The following KCNQ3 variants were observed in gnomAD, a reference collection of about 807,000 sequenced individuals.
KCNQ3 encodes the protein potassium voltage-gated channel subfamily KQT member 3.
KCNQ3 carries 30 observed loss-of-function variants against 92.5 expected under a neutral mutation model. That is an observed-to-expected ratio of 0.32 (90% CI 0.24 to 0.44). KCNQ3 has a LOEUF of 0.44. Ranked by LOEUF, KCNQ3 falls within the 20% of genes least tolerant of loss-of-function variation. The pLI is 1.00. For missense variants in KCNQ3, 913 were observed against 1,140.3 expected, an observed-to-expected ratio of 0.80 and a Z score of 2.87; for synonymous variants, 450 against 468.8, an observed-to-expected ratio of 0.96 and a Z score of 0.52.
At chr8:132,136,529 T>C (rs1825099394) in intron 12 of KCNQ3, among the ~76,000 whole-genome samples, 1 of 152,192 alleles carries the variant, frequency 6.6e-6, no homozygotes, top group Admixed American at 6.5e-5. Context: ...TCAGGGGAAG[T>C]CTTACTCCTT....
intron 1 of KCNQ3, among the ~76,000 whole-genome samples, chr8:132,200,951 T>C (rs918831138): frequency 2.0e-5 from 3 of 152,190 alleles, no homozygotes; most frequent in Non-Finnish European, 4.4e-5. Context: ...CAGAATTTTA[T>C]CTAAGAAGCC....
At chr8:132,139,149 T>G (rs552028044) in intron 11 of KCNQ3, among the ~76,000 whole-genome samples, 1 of 152,332 alleles carries the variant, frequency 6.6e-6, no homozygotes, top group African/African-American at 2.4e-5. Context: ...TCAAGAAAAG[T>G]TTGATGACCT....
intron 1 of KCNQ3, among the ~76,000 whole-genome samples, chr8:132,453,028 G>A (rs1821857873): frequency 1.3e-5 from 2 of 152,200 alleles, no homozygotes; most frequent in South Asian, 4.1e-4. Context: ...GAGTAAGGTG[G>A]TCAGGGAAGC....
intron 1 of KCNQ3, among the ~76,000 whole-genome samples, chr8:132,254,200 A>G (rs1169148278): frequency 6.6e-6 from 1 of 152,166 alleles, no homozygotes; most frequent in Non-Finnish European, 1.5e-5. Context: ...TTGCTTTAGG[A>G]AGAGGTAGGA....
At chr8:132,238,424 A>G (rs181513494) in intron 1 of KCNQ3, among the ~76,000 whole-genome samples, 58 of 152,270 alleles carry the variant, frequency 3.8e-4, no homozygotes, top group Non-Finnish European at 5.9e-4. Context: ...TGAACCCTGA[A>G]GTACCCTTAG....
At chr8:132,170,453 C>A (rs755147978) in intron 7 of KCNQ3, 25 bp from the exon 8 acceptor site, 1 of 1,490,068 alleles carries the variant, frequency 6.7e-7, no homozygotes, top group Non-Finnish European at 9.4e-7. Flanking sequence ...AGAGGGGCAA[C>A]AATGAGTGGG....
At chr8:132,369,329 G>A (rs571888225) in intron 1 of KCNQ3, among the ~76,000 whole-genome samples, 1 of 152,066 alleles carries the variant, frequency 6.6e-6, no homozygotes, top group African/African-American at 2.4e-5. Context: ...ATACTTAAGG[G>A]GTGGGGAGTT....
chr8:132,456,761 G>A (rs553863605), intron 1 of KCNQ3, among the ~76,000 whole-genome samples: 8 of 151,892 alleles, frequency 5.3e-5, no homozygotes, highest in South Asian at 2.1e-4. Flanking sequence ...ACAGGCGCCC[G>A]CCACAATGCC....
chr8:132,229,548 G>C (rs1395753977), intron 1 of KCNQ3, among the ~76,000 whole-genome samples: 1 of 152,050 alleles, frequency 6.6e-6, no homozygotes, highest in Non-Finnish European at 1.5e-5. Flanking sequence ...TTTTGAAGGT[G>C]TGTTCAAGGT....
At chr8:132,426,662 G>GT (rs1821120890) in intron 1 of KCNQ3, among the ~76,000 whole-genome samples, 3 of 152,222 alleles carry the variant, frequency 2.0e-5, no homozygotes, top group Admixed American at 1.3e-4. Context: ...ACCAGCTGGT[G>GT]TGCTGTATGA....
chr8:132,243,677 T>C (rs1179929426), intron 1 of KCNQ3, among the ~76,000 whole-genome samples: 1 of 152,192 alleles, frequency 6.6e-6, no homozygotes, highest in African/African-American at 2.4e-5. Context: ...AACAGCTGTG[T>C]GTCTTTGGAT....
intron 1 of KCNQ3, among the ~76,000 whole-genome samples, chr8:132,477,407 G>A (rs1452122707): frequency 6.6e-6 from 1 of 150,668 alleles, no homozygotes; most frequent in Non-Finnish European, 1.5e-5. Context: ...CCAATTTCCT[G>A]GGCCCATTGT....
In KCNQ3 at chr8:132,439,431, G is replaced by A. The variant is rs566703585; in HGVS notation, c.386+40716C>T. On this transcript the variant is annotated intron_variant, in intron 1 of 14. Coordinates refer to ENST00000388996, the MANE Select transcript of KCNQ3 (RefSeq NM_004519.4). ...CCCAGCAGGACTTCTCACTGAGAAA[G>A]AAGGTGCTTCCATTAAAGCCTCCAT... 3.7e-4 allele frequency among the ~76,000 whole-genome samples: 57 copies of A among 152,244 alleles called. No homozygotes were observed. In the Middle Eastern group the frequency reaches 0.01, roughly 27 times the overall value.
chr8:132,411,544 G>C (rs72721061), intron 1 of KCNQ3, among the ~76,000 whole-genome samples: 2 of 152,118 alleles, frequency 1.3e-5, no homozygotes, highest in Non-Finnish European at 2.9e-5. Flanking sequence ...GTGTTGGTGA[G>C]GGAGGCTACC....
intron 1 of KCNQ3, among the ~76,000 whole-genome samples, chr8:132,343,065 C>T (rs1180175879): frequency 6.6e-6 from 1 of 152,240 alleles, no homozygotes; most frequent in African/African-American, 2.4e-5. Context: ...CCACAGCACA[C>T]AGCGCTTCAA....
intron 1 of KCNQ3, among the ~76,000 whole-genome samples, chr8:132,256,964 T>C (rs930524397): frequency 2.0e-5 from 3 of 152,324 alleles, no homozygotes; most frequent in East Asian, 1.9e-4. Flanking sequence ...AGTTTACATA[T>C]ACAAGATATT....
At chr8:132,373,052 T>C (rs1586965177) in intron 1 of KCNQ3, among the ~76,000 whole-genome samples, 1 of 152,268 alleles carries the variant, frequency 6.6e-6, no homozygotes, top group East Asian at 1.9e-4. Context: ...GTTGGGATTC[T>C]GATTCGCTAA....
At position 132,122,343 on chromosome 8, in the gene KCNQ3, C is replaced by T. The variant is rs1208246132; in HGVS notation, c.*6919G>A. ...GTTTCTCTCCCCTTCCCTGACCTCA[C>T]TTTTGTGGGCAGAGGAAGAGAAGGG... is the stretch of plus-strand genomic sequence containing the variant. On this transcript the variant is annotated 3_prime_UTR_variant, in exon 15 of 15. Coordinates refer to ENST00000388996, the MANE Select transcript of KCNQ3 (RefSeq NM_004519.4). The T allele has an allele frequency of 1.3e-5, 2 of 152,180 alleles. No homozygotes were observed. The highest frequency in any genetic ancestry group is 6.5e-5 in the Admixed American group (1 of 15,284). 9.4% of individuals were successfully genotyped at this position (152,180 alleles called of 1,614,324 possible). A position where few individuals can be genotyped will look rare whatever the true frequency, so the allele number is the denominator to read the frequency against.
chr8:132,140,634 T>C (rs1825261806), intron 10 of KCNQ3: 2 of 246,242 alleles, frequency 8.1e-6, no homozygotes, highest in Admixed American at 1.0e-4. Context: ...AATGATACAA[T>C]GAGGATTGAG....
Sources: allele counts gnomAD v4.1 joint callset (sites outside exome capture counted in the v4.1 genomes callset), GRCh38; gene constraint gnomAD v4.1.1; transcripts MANE v1.5; gene names NCBI Gene and HGNC (gene_info 2026-07-23, HGNC 2026-07-21).